EGLN1: variants seen among roughly 807,000 people sequenced by gnomAD.
EGLN1 encodes the protein egl nine homolog 1.
Under a neutral mutation model 38.3 loss-of-function variants are expected in EGLN1, and 17 were observed. That is an observed-to-expected ratio of 0.44 (90% CI 0.30 to 0.67). EGLN1 has a LOEUF of 0.67. Among genes scored for constraint, EGLN1 ranks in the 30% least tolerant of loss-of-function variants. EGLN1 has a pLI of 0.08. For synonymous variants in EGLN1, 283 were observed against 257.5 expected, an observed-to-expected ratio of 1.10 and a Z score of -0.95; for missense variants, 477 against 603.3, an observed-to-expected ratio of 0.79 and a Z score of 2.19.
chr1:231,388,482 G>C (rs2808593), intron 1 of EGLN1, among the ~76,000 whole-genome samples: 2 of 151,732 alleles, frequency 1.3e-5, no homozygotes, highest in African/African-American at 2.4e-5. Flanking sequence ...TCTCTGTCTC[G>C]CTCTCTGTCT....
chr1:231,405,681 A>G (rs1184775105), intron 1 of EGLN1, among the ~76,000 whole-genome samples: 1 of 151,998 alleles, frequency 6.6e-6, no homozygotes, highest in Admixed American at 6.6e-5. Flanking sequence ...TCTGTCCACA[A>G]ACATCTTCCC....
In EGLN1 at chr1:231,421,792, A is replaced by G. The variant is rs1243950137; in HGVS notation, c.97T>C (p.Cys33Arg). 6.4e-7 allele frequency: 1 copy of G among 1,559,076 alleles called. No individual in the cohort carries two copies. The highest frequency in any genetic ancestry group is 1.8e-5 in the Admixed American group (1 of 56,252). ...TAGAAGGAGCTGCGGCAGCGGCTGC[A>G]GCGCAGCAGGTTCTCCATCTTCCCG... ...LCGKMENLLR[C>R]SRCRSSFYCC... The change falls in exon 1 of 5, where the codon TGC (cysteine) becomes CGC (arginine). Residue 33 changes from cysteine to arginine, a missense_variant. Around this residue, in one of 4 missense-constraint regions of EGLN1, gnomAD observed 298 missense variants for 288.9 expected, o/e 1.03. Transcript: ENST00000366641. The surrounding 1 kb of genome is among the most constrained non-coding windows in gnomAD (Gnocchi z 5.5).
intron 1 of EGLN1, among the ~76,000 whole-genome samples, chr1:231,402,319 TCA>T (rs1688682591): frequency 2.0e-5 from 2 of 102,336 alleles, no homozygotes; most frequent in Non-Finnish European, 5.1e-5. Flanking sequence ...GTCTAATTTA[TCA>T]GTGTTTTTCT....
In EGLN1 at chr1:231,405,594, G is replaced by C. The variant is rs371089827; in HGVS notation, c.891+15404C>G. Among the ~76,000 whole-genome samples the C allele has an allele frequency of 3.0e-4, 46 of 152,236 alleles. 4 individuals carry two copies. In the East Asian group the frequency reaches 7.4e-3, roughly 24 times the overall value. On this transcript the variant is annotated intron_variant, in intron 1 of 4. Transcript: ENST00000366641. ...ATGGAGAGACTGGCAGAGTTGTTGA[G>C]TGCCTTGCTCAGTAGTAGAGAGCCA...
At chr1:231,393,651 T>C (rs1688448467) in intron 1 of EGLN1, among the ~76,000 whole-genome samples, 1 of 152,218 alleles carries the variant, frequency 6.6e-6, no homozygotes, top group African/African-American at 2.4e-5. Context: ...TTATATTCCA[T>C]GTCCCTGTTT....
chr1:231,410,225 G>A (rs1337130833), intron 1 of EGLN1, among the ~76,000 whole-genome samples: 1 of 151,968 alleles, frequency 6.6e-6, no homozygotes, highest in African/African-American at 2.4e-5. Flanking sequence ...TTACAAGACT[G>A]GGACTTCAGT....
chr1:231,396,293 T>C (rs1688529303), intron 1 of EGLN1, among the ~76,000 whole-genome samples: 1 of 150,186 alleles, frequency 6.7e-6, no homozygotes, highest in Admixed American at 6.7e-5. Context: ...CTCGCTCTGT[T>C]GCCAGGCTGG....
chr1:231,420,892 T>C lies in EGLN1; in HGVS notation c.891+106A>G, dbSNP rs149616938. On this transcript the variant is annotated intron_variant, in intron 1 of 4. Coordinates refer to ENST00000366641, the MANE Select transcript of EGLN1 (RefSeq NM_022051.3). ...AGCTACACAAGAAAGAGCGAGTCCC[T>C]TCTATATAGAGGAATGCTGCTTCTC... 198 of 1,607,214 alleles carry C rather than the reference T, an allele frequency of 1.2e-4. 1 individual carries two copies. In the African/African-American group the frequency reaches 2.5e-3, roughly 20 times the overall value.
intron 1 of EGLN1, among the ~76,000 whole-genome samples, chr1:231,393,893 T>C (rs1266111025): frequency 6.6e-6 from 1 of 152,210 alleles, no homozygotes. Context: ...TCTTTCCTGT[T>C]ATCTAATCAG....
At position 231,421,049 on chromosome 1, in the gene EGLN1, T is replaced by C. The variant is rs1656573933; in HGVS notation, c.840A>G (p.Ile280Met). The change falls in exon 1 of 5, where the codon ATA (isoleucine) becomes ATG (methionine). Residue 280 changes from isoleucine (I) to methionine (M), a missense_variant. Around this residue, in one of 4 missense-constraint regions of EGLN1, gnomAD observed 119 missense variants for 179.0 expected, o/e 0.66. Transcript: ENST00000366641. This position sits in a 1 kb window ranked among gnomAD's most constrained non-coding sequence, Gnocchi z 5.5. ...TGCCCAGCTTCCCGTTACAGTGGCG[T>C]ATCAGGTCGTCCATGCTGCTCATGA... is the stretch of plus-strand genomic sequence containing the variant. ...GLLMSSMDDL[I>M]RHCNGKLGSY... 9 of 1,614,046 alleles carry C rather than the reference T, an allele frequency of 5.6e-6. No homozygotes were observed. The highest frequency in any genetic ancestry group is 6.8e-6 in the Non-Finnish European group (8 of 1,180,004).
At chr1:231,379,808 CTCATCAA>C (rs1375742430) in intron 1 of EGLN1, among the ~76,000 whole-genome samples, 1 of 152,200 alleles carries the variant, frequency 6.6e-6, no homozygotes, top group Non-Finnish European at 1.5e-5. Flanking sequence ...TTCTTTATCC[CTCATCAA>C]CATTATAACA....
intron 1 of EGLN1, among the ~76,000 whole-genome samples, chr1:231,397,207 AACAAG>A (rs1460896047): frequency 6.6e-6 from 1 of 152,234 alleles, no homozygotes; most frequent in East Asian, 1.9e-4. Flanking sequence ...GTTCGCTACA[AACAAG>A]ACATTTCTTG....
At position 231,364,803 on chromosome 1, in the gene EGLN1, G is replaced by C. The variant is rs182146084; in HGVS notation, c.*1608C>G. On this transcript the variant is annotated 3_prime_UTR_variant, in exon 5 of 5. Coordinates refer to ENST00000366641, the MANE Select transcript of EGLN1 (RefSeq NM_022051.3). ...GGACAGAGATAGAAAACCTAAGTGG[G>C]CAAGGTCTTACACCCATAATTCACG... 6.6e-6 allele frequency: 1 copy of C among 152,290 alleles called. No individual in the cohort carries two copies. Among genetic ancestry groups the C allele is most frequent in the East Asian group, 1.9e-4 (1 of 5,186 alleles). 9.4% of individuals were successfully genotyped at this position (152,290 alleles called of 1,614,324 possible).
intron 1 of EGLN1, among the ~76,000 whole-genome samples, chr1:231,391,051 C>T (rs2739508): frequency 0.47 from 42,969 of 90,886 alleles, 13,995 homozygotes; most frequent in Middle Eastern, 0.64. Context: ...CCACGACCGA[C>T]GCGTGTGTGT....
chr1:231,396,990 A>C (rs948949737), intron 1 of EGLN1, among the ~76,000 whole-genome samples: 4 of 152,172 alleles, frequency 2.6e-5, no homozygotes, highest in African/African-American at 7.2e-5. Context: ...AATTCCTGTT[A>C]ACAGTCTTCT....
intron 1 of EGLN1, among the ~76,000 whole-genome samples, chr1:231,385,264 T>C (rs1239495918): frequency 1.3e-5 from 2 of 152,214 alleles, no homozygotes; most frequent in African/African-American, 4.8e-5. Context: ...GAGTTCAGTT[T>C]TGAACATGTT....
chr1:231,375,218 G>A (rs987419153), intron 1 of EGLN1, among the ~76,000 whole-genome samples: 2 of 151,836 alleles, frequency 1.3e-5, no homozygotes, highest in Admixed American at 6.6e-5. Flanking sequence ...GCCAGGCCCG[G>A]CTAATTTTTG....
intron 1 of EGLN1, among the ~76,000 whole-genome samples, chr1:231,391,710 GACA>G (rs1387357067): frequency 6.6e-6 from 1 of 151,690 alleles, no homozygotes; most frequent in African/African-American, 2.4e-5. Flanking sequence ...AAGTAAACAG[GACA>G]ACCTCAGAAT....
intron 1 of EGLN1, among the ~76,000 whole-genome samples, chr1:231,388,804 A>G (rs11122286): frequency 0.58 from 87,547 of 151,576 alleles, 26,015 homozygotes; most frequent in Non-Finnish European, 0.65. Context: ...ACAGGCGCCC[A>G]CCACCACGCC....
Sources: allele counts gnomAD v4.1 joint callset (sites outside exome capture counted in the v4.1 genomes callset), GRCh38; gene constraint gnomAD v4.1.1; regional missense constraint gnomAD v4.1.1; non-coding constraint Gnocchi (gnomAD v3.1); transcripts MANE v1.5; gene names NCBI Gene and HGNC (gene_info 2026-07-23, HGNC 2026-07-21).